The following FAAH2 variants were observed in gnomAD, a reference collection of about 807,000 sequenced individuals.
FAAH2 encodes the protein fatty acid amide hydrolase 2.
FAAH2 carries 60 observed loss-of-function variants against 36.9 expected under a neutral mutation model. That is an observed-to-expected ratio of 1.63 (90% confidence interval 1.32 to 2.02). The LOEUF is 2.02. Ranked by LOEUF, FAAH2 falls within the 30% of genes most tolerant of loss-of-function variation. The probability of loss-of-function intolerance (pLI) is 0.00; values close to 1 mark genes in which losing one functional copy is unlikely to be tolerated. For missense variants in FAAH2, 689 were observed against 397.5 expected (o/e 1.73, Z -6.23); for synonymous variants, 214 against 143.8 (o/e 1.49, Z -3.49).
the FAAH2 span, among the ~76,000 whole-genome samples, chrX:57,191,526 G>T: frequency 9.0e-6 from 1 of 111,134 alleles, no homozygotes; most frequent in Non-Finnish European, 1.9e-5. Context: ...TGTTCTGGTT[G>T]GCTATGCTTG....
intron 3 of FAAH2, among the ~76,000 whole-genome samples, chrX:57,317,138 G>A (rs1022533122): frequency 9.9e-5 from 11 of 111,115 alleles, no homozygotes; most frequent in Non-Finnish European, 1.5e-4. Flanking sequence ...TTTGAAAAAT[G>A]CTCTCAGGAT....
At chrX:57,132,859 A>C in the FAAH2 span, among the ~76,000 whole-genome samples, 1 of 111,965 alleles carries the variant, frequency 8.9e-6, no homozygotes, top group Middle Eastern at 4.6e-3. Flanking sequence ...CCTCATCCCC[A>C]TTACCTCTCT....
At chrX:57,182,597 G>A in the FAAH2 span, among the ~76,000 whole-genome samples, 266 of 111,366 alleles carry the variant, frequency 2.4e-3, no homozygotes, top group Non-Finnish European at 4.4e-3. Context: ...CTCTGTTGGT[G>A]GGAGTGCAAA....
chrX:57,363,574 G>A (rs1219981258), intron 5 of FAAH2, among the ~76,000 whole-genome samples: 1 of 110,855 alleles, frequency 9.0e-6, no homozygotes, highest in African/African-American at 3.3e-5. Context: ...TTGCCTGATT[G>A]CTCTGGCTAG....
the FAAH2 span, among the ~76,000 whole-genome samples, chrX:57,266,827 G>A: frequency 8.9e-6 from 1 of 112,507 alleles, no homozygotes; most frequent in Non-Finnish European, 1.9e-5. Context: ...TGGAGCCCAG[G>A]GGGTTTAGTG....
At chrX:57,164,066 C>T in the FAAH2 span, among the ~76,000 whole-genome samples, 2 of 112,054 alleles carry the variant, frequency 1.8e-5, no homozygotes, top group South Asian at 3.7e-4. Flanking sequence ...CAATTTAAGG[C>T]TAAATAAGGC....
chrX:57,143,610 A>G, the FAAH2 span, among the ~76,000 whole-genome samples: 1 of 110,425 alleles, frequency 9.1e-6, no homozygotes. Context: ...CTGAGTAGCT[A>G]GAACCATAGG....
chrX:57,296,182 C>T (rs1327279252), intron 2 of FAAH2, among the ~76,000 whole-genome samples: 2 of 112,144 alleles, frequency 1.8e-5, no homozygotes, highest in Admixed American at 9.4e-5. Context: ...CCCCGAGTAC[C>T]CTAACTGGGA....
At chrX:57,347,633 T>C in intron 5 of FAAH2, among the ~76,000 whole-genome samples, 1 of 83,254 alleles carries the variant, frequency 1.2e-5, no homozygotes, top group Non-Finnish European at 2.3e-5. Context: ...TTTTTTTTTT[T>C]TTTTGCTGTT....
intron 5 of FAAH2, 93 bp downstream of exon 5, chrX:57,341,483 G>T (rs776293407): frequency 6.9e-5 from 68 of 979,327 alleles, no homozygotes; most frequent in Non-Finnish European, 9.2e-5. Flanking sequence ...GCTTATCAGG[G>T]TGATTATTAT....
At chrX:57,445,747 A>C (rs765922002) in intron 8 of FAAH2, among the ~76,000 whole-genome samples, 6 of 112,512 alleles carry the variant, frequency 5.3e-5, no homozygotes, top group Non-Finnish European at 9.4e-5. Flanking sequence ...TCCCAAAGCC[A>C]CAGAAGTCTC....
At chrX:57,232,555 G>T in the FAAH2 span, among the ~76,000 whole-genome samples, 4 of 112,193 alleles carry the variant, frequency 3.6e-5, 1 homozygote, top group African/African-American at 1.3e-4. Flanking sequence ...TACATGCACA[G>T]TTCTAAAGCC....
chrX:57,251,045 A>G, the FAAH2 span, among the ~76,000 whole-genome samples: 3 of 111,793 alleles, frequency 2.7e-5, no homozygotes, highest in African/African-American at 9.8e-5. Context: ...CAAGGATACT[A>G]CAAGAAAAGA....
At chrX:57,425,077 A>G (rs1436436266) in intron 7 of FAAH2, among the ~76,000 whole-genome samples, 2 of 111,848 alleles carry the variant, frequency 1.8e-5, no homozygotes, top group Non-Finnish European at 3.8e-5. Context: ...GAAAGGAATT[A>G]CAACATACAA....
chrX:57,163,490 C>T, the FAAH2 span, among the ~76,000 whole-genome samples: 1 of 111,739 alleles, frequency 8.9e-6, no homozygotes, highest in Non-Finnish European at 1.9e-5. Flanking sequence ...TGATCTCAGA[C>T]TGCTGTGCTA....
At chrX:57,126,871 C>T in the FAAH2 span, 1 of 111,302 alleles carries the variant, frequency 9.0e-6, no homozygotes, top group Non-Finnish European at 1.9e-5. Context: ...ATAATGTTAC[C>T]TTTTCTTTTT....
At chrX:57,397,441 G>A (rs1219326501) in intron 7 of FAAH2, among the ~76,000 whole-genome samples, 2 of 111,836 alleles carry the variant, frequency 1.8e-5, no homozygotes, top group Non-Finnish European at 3.8e-5. Flanking sequence ...GTACTTCTAT[G>A]AGCATTTCTT....
intron 3 of FAAH2, among the ~76,000 whole-genome samples, chrX:57,325,097 C>G (rs772259201): frequency 8.9e-6 from 1 of 112,056 alleles, no homozygotes; most frequent in East Asian, 2.8e-4. Flanking sequence ...TTGAGATAAT[C>G]AAATGGTTTT....
intron 7 of FAAH2, chrX:57,381,447 A>G (rs2054846781): frequency 4.9e-6 from 2 of 406,953 alleles, no homozygotes; most frequent in African/African-American, 5.3e-5. Flanking sequence ...TTGTCTTTTT[A>G]AAAGCAAGAG....
Sources: allele counts gnomAD v4.1 joint callset (sites outside exome capture counted in the v4.1 genomes callset), GRCh38; gene constraint gnomAD v4.1.1; transcripts MANE v1.5; gene names NCBI Gene and HGNC (gene_info 2026-07-23, HGNC 2026-07-21).